The following PODXL variants were observed in gnomAD, a reference collection of about 807,000 sequenced individuals.
The protein encoded by PODXL is podocalyxin.
A neutral mutation model predicts 48.9 loss-of-function variants in PODXL; 20 were observed. The ratio of observed to expected loss-of-function variants is 0.41; its 90% CI spans 0.29 to 0.59. PODXL has a LOEUF of 0.59. Ranked by LOEUF, PODXL falls within the 20% of genes least tolerant of loss-of-function variation. The pLI, the probability that PODXL is intolerant of heterozygous loss-of-function variation, is 0.31. For missense variants in PODXL, 606 were observed against 675.1 expected, an observed-to-expected ratio of 0.90 and a Z score of 1.13; for synonymous variants, 295 against 287.4, an observed-to-expected ratio of 1.03 and a Z score of -0.27.
intron 6 of PODXL, 93 bp from the exon 7 acceptor site, chr7:131,506,414 TCA>T: frequency 6.8e-7 from 1 of 1,477,620 alleles, no homozygotes; most frequent in Non-Finnish European, 9.5e-7. Context: ...GCACCGTATC[TCA>T]GTCTCCTGAG....
Position 131,533,300 on chromosome 7 carries a change from C to T in PODXL, c.101-21867G>A, listed in dbSNP as rs572035524. On this transcript the variant is annotated intron_variant, in intron 1 of 8. Transcript: ENST00000378555. ...GACTTGGGGCCTCTGGGTAGCAGGA[C>T]GGCACCTCAGGGGTGGGGTCGTCAG... Among the ~76,000 whole-genome samples the T allele has an allele frequency of 7.2e-5, 11 of 152,288 alleles. No individual in the cohort carries two copies. The East Asian group carries it at 1.4e-3, about 19-fold the overall frequency.
chr7:131,528,100 C>T (rs1202320938), intron 1 of PODXL, among the ~76,000 whole-genome samples: 1 of 151,646 alleles, frequency 6.6e-6, no homozygotes, highest in Non-Finnish European at 1.5e-5. Flanking sequence ...GGGGTTTCAC[C>T]ATGTTGGCTG....
chr7:131,505,071 T>C (rs529437520), intron 8 of PODXL, among the ~76,000 whole-genome samples: 11 of 152,232 alleles, frequency 7.2e-5, no homozygotes, highest in Non-Finnish European at 1.3e-4. Context: ...TTGTTTGAAT[T>C]GGTGTGGGAG....
intron 1 of PODXL, among the ~76,000 whole-genome samples, chr7:131,516,736 C>CTTTT (rs58722955): frequency 0.25 from 31,029 of 125,418 alleles, 4,741 homozygotes; most frequent in Admixed American, 0.35. Flanking sequence ...TTTTTTTTCT[C>CTTTT]TTTTTTTTTT....
intron 1 of PODXL, among the ~76,000 whole-genome samples, chr7:131,532,003 G>A (rs1317505530): frequency 2.0e-5 from 3 of 151,974 alleles, no homozygotes; most frequent in African/African-American, 4.8e-5. Context: ...CCAGCTGCTC[G>A]GGAGGCTGAG....
intron 1 of PODXL, among the ~76,000 whole-genome samples, chr7:131,535,284 G>A (rs1057303271): frequency 6.6e-6 from 1 of 152,140 alleles, no homozygotes; most frequent in African/African-American, 2.4e-5. Flanking sequence ...ACAGTGTGAA[G>A]AAGGTACTTA....
chr7:131,545,299 C>T (rs537686706), intron 1 of PODXL, among the ~76,000 whole-genome samples: 3 of 152,352 alleles, frequency 2.0e-5, no homozygotes, highest in East Asian at 1.9e-4. Context: ...AAACTGGCTG[C>T]GACCTGCCAT....
intron 1 of PODXL, among the ~76,000 whole-genome samples, chr7:131,527,395 G>A (rs137885427): frequency 1.3e-5 from 2 of 152,238 alleles, no homozygotes; most frequent in Non-Finnish European, 2.9e-5. Flanking sequence ...GGAAACAGAA[G>A]ATGTTACTAA....
chr7:131,540,839 G>T (rs766331792), intron 1 of PODXL, among the ~76,000 whole-genome samples: 1 of 152,186 alleles, frequency 6.6e-6, no homozygotes, highest in Admixed American at 6.5e-5. Context: ...GGGAAGTCCC[G>T]CATGCATGGC....
intron 1 of PODXL, among the ~76,000 whole-genome samples, chr7:131,543,018 G>A (rs953670081): frequency 1.3e-5 from 2 of 152,168 alleles, no homozygotes; most frequent in African/African-American, 2.4e-5. Flanking sequence ...CTGAGTTCAC[G>A]GTGCTCTGTG....
rs1797699993 is a variant in PODXL at position 131,501,341 on chromosome 7, C to T, written c.*2970G>A. 6.6e-6 allele frequency: 1 copy of T among 152,546 alleles called. No individual in the cohort carries two copies. Among genetic ancestry groups the T allele is most frequent in the Non-Finnish European group, 1.5e-5 (1 of 68,014 alleles). The allele number at this position is 152,546 out of a possible 1,614,324, so 9.4% of individuals were successfully genotyped here. On this transcript the variant is annotated 3_prime_UTR_variant, in exon 9 of 9. Transcript: ENST00000378555. ...TAGGTTAACATGGTCACTGTATTTACATTATCAAAAAAATATGTGTATATG... is the reference window on the plus strand; with the variant it reads ...TAGGTTAACATGGTCACTGTATTTATATTATCAAAAAAATATGTGTATATG...
chr7:131,511,264 C>G lies in PODXL; in HGVS notation c.270G>C (p.Pro90=). The change falls in exon 2 of 9, where the codon CCG becomes CCC. Residue 90 remains proline (P), a synonymous_variant. Transcript: ENST00000378555. ...CTTGCTGAGCCAGGGTTGTAGTCCC[C>G]GGTGAGTCACTGGATACACCAAGGG... ...ATTLGVSSDS[P]GTTTLAQQVS... 1.2e-6 allele frequency: 2 copies of G among 1,613,936 alleles called. No homozygotes were observed. Among genetic ancestry groups the G allele is most frequent in the Non-Finnish European group, 1.7e-6 (2 of 1,179,972 alleles).
intron 1 of PODXL, among the ~76,000 whole-genome samples, chr7:131,535,166 G>C (rs1187319490): frequency 6.6e-6 from 1 of 152,228 alleles, no homozygotes; most frequent in Non-Finnish European, 1.5e-5. Context: ...CTTTGAAAGT[G>C]AAGGCAGTCT....
At chr7:131,547,619 TCTC>T (rs1433027005) in intron 1 of PODXL, among the ~76,000 whole-genome samples, 2 of 152,318 alleles carry the variant, frequency 1.3e-5, no homozygotes, top group Admixed American at 6.5e-5. Flanking sequence ...CCATTTTTCT[TCTC>T]TTCACCATCA....
At chr7:131,505,445 G>A (rs192819131) in intron 8 of PODXL, among the ~76,000 whole-genome samples, 114 of 152,010 alleles carry the variant, frequency 7.5e-4, no homozygotes, top group Middle Eastern at 3.4e-3. Flanking sequence ...TCAGGAGTTC[G>A]AGACTAGCCT....
rs974893760 is a variant in PODXL, at chr7:131,502,594, C to G, written c.*1717G>C. On this transcript the variant is annotated 3_prime_UTR_variant, in exon 9 of 9. Transcript: ENST00000378555. ...CAGCCGGAGCCTGACTCTTAAGACC[C>G]TGGAGGTGTGGCGTTTCACCCGAAA... 1 of 152,178 alleles carries G rather than the reference C, an allele frequency of 6.6e-6. No individual in the cohort carries two copies. The highest frequency in any genetic ancestry group is 1.5e-5 in the Non-Finnish European group (1 of 68,046). 9.4% of individuals were successfully genotyped at this position (152,178 alleles called of 1,614,324 possible).
intron 1 of PODXL, among the ~76,000 whole-genome samples, chr7:131,552,393 G>A (rs561214287): frequency 1.3e-5 from 2 of 152,294 alleles, no homozygotes; most frequent in South Asian, 4.1e-4. Flanking sequence ...CCTGCAAGGG[G>A]GGGAATTCTA....
chr7:131,547,031 A>G (rs1341560535), intron 1 of PODXL, among the ~76,000 whole-genome samples: 2 of 152,198 alleles, frequency 1.3e-5, no homozygotes, highest in Non-Finnish European at 2.9e-5. Context: ...GGGTGGGGTA[A>G]CAGGGTCTGT....
chr7:131,529,944 T>TG (rs1798248940), intron 1 of PODXL, among the ~76,000 whole-genome samples: 2 of 32,282 alleles, frequency 6.2e-5, no homozygotes, highest in Non-Finnish European at 4.0e-4. Context: ...TCCCTAGGGG[T>TG]ATAGGCGGGA....
Sources: gnomAD v4.1 joint callset for allele counts (sites outside exome capture counted in the v4.1 genomes callset) on GRCh38, gnomAD v4.1.1 for gene constraint, MANE v1.5 for transcripts, NCBI Gene and HGNC (gene_info 2026-07-23, HGNC 2026-07-21) for gene names.